NEBL: variants seen among roughly 807,000 people sequenced by gnomAD.
The protein encoded by NEBL is LIM and SH3 protein 2.
In NEBL, 122 loss-of-function variants were observed where a neutral mutation model predicts 140.2. The observed-to-expected ratio is 0.87, with a 90% CI of 0.75 to 1.01. The LOEUF is 1.01. Among genes scored for constraint, NEBL ranks in the 50% least tolerant of loss-of-function variants. The pLI, the probability that NEBL is intolerant of heterozygous loss-of-function variation, is 0.00. For missense variants in NEBL, 1,365 were observed against 1,231.3 expected (o/e 1.11, Z -1.62); for synonymous variants, 436 against 398.9 (o/e 1.09, Z -1.11).
chr10:21,195,424 T>C (rs1208079791), intron 3 of NEBL, among the ~76,000 whole-genome samples: 1 of 152,172 alleles, frequency 6.6e-6, no homozygotes, highest in Non-Finnish European at 1.5e-5. Context: ...TCACAACATA[T>C]CCAGATGTAC....
At chr10:21,255,830 T>C (rs1475443568) in intron 1 of NEBL, among the ~76,000 whole-genome samples, 1 of 151,822 alleles carries the variant, frequency 6.6e-6, no homozygotes, top group African/African-American at 2.4e-5. Flanking sequence ...ACCCCATCTC[T>C]ACTAAAAATA....
chr10:21,012,756 GAACCAC>G (rs1324220819), intron 3 of NEBL, among the ~76,000 whole-genome samples: 9 of 152,078 alleles, frequency 5.9e-5, no homozygotes, highest in Admixed American at 5.9e-4. Flanking sequence ...ACCAGACTCT[GAACCAC>G]TTACTCTTAA....
intron 2 of NEBL, among the ~76,000 whole-genome samples, chr10:21,111,088 A>G (rs892719723): frequency 6.6e-6 from 1 of 152,208 alleles, no homozygotes; most frequent in Non-Finnish European, 1.5e-5. Context: ...TAAACAAAAT[A>G]AAAGAGGACA....
intron 2 of NEBL, among the ~76,000 whole-genome samples, chr10:21,091,550 TC>T (rs1836912663): frequency 1.3e-5 from 2 of 152,214 alleles, no homozygotes; most frequent in South Asian, 4.1e-4. Flanking sequence ...TCTGAAATTC[TC>T]CCAAATTCAG....
intron 4 of NEBL, among the ~76,000 whole-genome samples, chr10:20,881,402 T>C (rs1185510942): frequency 5.3e-5 from 8 of 152,208 alleles, no homozygotes; most frequent in Admixed American, 5.2e-4. Context: ...TTCTCAGATA[T>C]GTCAAGTCTT....
At chr10:21,078,290 C>A (rs1836197701) in intron 2 of NEBL, among the ~76,000 whole-genome samples, 2 of 152,124 alleles carry the variant, frequency 1.3e-5, no homozygotes, top group South Asian at 4.1e-4. Context: ...GTGTTATTTA[C>A]AAGGTGTTTA....
At chr10:20,880,944 T>C (rs372053968) in intron 4 of NEBL, 40 bp from the exon 5 acceptor site, 4 of 1,506,380 alleles carry the variant, frequency 2.7e-6, no homozygotes, top group Non-Finnish European at 3.7e-6. Context: ...TTTAGAGGCA[T>C]ATAAATTCTT....
At chr10:21,115,105 G>A (rs529848332) in intron 2 of NEBL, among the ~76,000 whole-genome samples, 9 of 151,444 alleles carry the variant, frequency 5.9e-5, no homozygotes, top group African/African-American at 1.9e-4. Flanking sequence ...TGTAATAAAC[G>A]TCTTTACATT....
chr10:20,900,854 AG>A (rs67214625), upstream of NEBL, among the ~76,000 whole-genome samples: 1,645 of 143,064 alleles, frequency 0.011, 94 homozygotes, highest in African/African-American at 0.039. Flanking sequence ...CGAAAAAAAA[AG>A]AAAAAAGAAA....
intron 17 of NEBL, 52 bp from the exon 18 acceptor site, chr10:20,826,591 C>T (rs1438207273): frequency 1.5e-6 from 2 of 1,340,528 alleles, no homozygotes; most frequent in East Asian, 2.3e-5. Flanking sequence ...AATTCAAGTC[C>T]TAGATCCGCT....
At chr10:21,042,500 T>C (rs1834318360) in intron 2 of NEBL, among the ~76,000 whole-genome samples, 1 of 152,258 alleles carries the variant, frequency 6.6e-6, no homozygotes, top group African/African-American at 2.4e-5. Flanking sequence ...TTCAAATCTC[T>C]TCACTTCCTA....
intron 2 of NEBL, among the ~76,000 whole-genome samples, chr10:21,128,731 G>A (rs554679340): frequency 1.3e-4 from 20 of 152,148 alleles, no homozygotes; most frequent in African/African-American, 3.9e-4. Context: ...AACTTATCCC[G>A]TAATTGTTAA....
intron 4 of NEBL, among the ~76,000 whole-genome samples, chr10:20,946,308 A>G (rs1382439156): frequency 1.3e-5 from 2 of 152,228 alleles, no homozygotes; most frequent in East Asian, 3.8e-4. Context: ...ATGAAAATCT[A>G]TGTTTTCAAG....
intron 2 of NEBL, among the ~76,000 whole-genome samples, chr10:21,038,720 T>C (rs1332410952): frequency 2.0e-5 from 3 of 152,188 alleles, no homozygotes; most frequent in Admixed American, 1.3e-4. Flanking sequence ...CCTTTGAGTA[T>C]ATACGCAGTA....
At chr10:21,067,299 C>T (rs529811206) in intron 2 of NEBL, among the ~76,000 whole-genome samples, 65 of 152,256 alleles carry the variant, frequency 4.3e-4, no homozygotes, top group Admixed American at 1.4e-3. Flanking sequence ...AAGTGAAATA[C>T]ATAAATGCTG....
chr10:21,169,067 A>AAAAATATAAATATAT (rs1554830679), intron 2 of NEBL, among the ~76,000 whole-genome samples: 1 of 23,072 alleles, frequency 4.3e-5, no homozygotes, highest in Non-Finnish European at 8.7e-5. Context: ...AAAAAAAAAA[A>AAAAATATAAATATAT]ATATATATAT....
intron 1 of NEBL, among the ~76,000 whole-genome samples, chr10:21,281,586 C>T (rs1401080681): frequency 6.6e-6 from 1 of 151,944 alleles, no homozygotes; most frequent in Non-Finnish European, 1.5e-5. Context: ...TCCCCAAACA[C>T]ACATTCATCC....
At chr10:20,851,411 T>G (rs1322363300) in intron 10 of NEBL, among the ~76,000 whole-genome samples, 1 of 152,100 alleles carries the variant, frequency 6.6e-6, no homozygotes, top group Non-Finnish European at 1.5e-5. Context: ...GACATAATTT[T>G]GTTGCAAAGA....
chr10:21,057,079 T>G (rs562340584), intron 2 of NEBL, among the ~76,000 whole-genome samples: 1 of 152,224 alleles, frequency 6.6e-6, no homozygotes, highest in Non-Finnish European at 1.5e-5. Flanking sequence ...AATAGTCATA[T>G]ATACAAGTGG....
Sources: allele counts gnomAD v4.1 joint callset (sites outside exome capture counted in the v4.1 genomes callset), GRCh38; gene constraint gnomAD v4.1.1; transcripts MANE v1.5; gene names NCBI Gene and HGNC (gene_info 2026-07-23, HGNC 2026-07-21).